AKAP13: variants seen among roughly 807,000 people sequenced by gnomAD.
The protein encoded by AKAP13 is A-kinase anchoring protein 13.
A neutral mutation model predicts 264.5 loss-of-function variants in AKAP13; 80 were observed. The observed-to-expected ratio is 0.30, with a 90% CI of 0.25 to 0.36. The LOEUF is 0.36. AKAP13 is among the 10% of genes least tolerant of loss of function. The probability of loss-of-function intolerance (pLI) is 1.00; values close to 1 mark genes in which losing one functional copy is unlikely to be tolerated. For missense variants in AKAP13, 3,712 were observed against 3,435.2 expected (o/e 1.08, Z -2.01); for synonymous variants, 1,380 against 1,250.2 (o/e 1.10, Z -2.19).
chr15:85,586,177 T>C (rs999609129), intron 8 of AKAP13, among the ~76,000 whole-genome samples: 2 of 152,072 alleles, frequency 1.3e-5, no homozygotes, highest in Admixed American at 6.5e-5. Flanking sequence ...CTTTTTTTCT[T>C]TCCTTCTTTT....
rs1249203231 is a variant in AKAP13 at position 85,645,794 on chromosome 15, TGGTGAATAAA to T, written c.4238-23_4238-14del. 2 of 1,511,982 alleles carry T rather than the reference TGGTGAATAAA, an allele frequency of 1.3e-6. No individual in the cohort carries two copies. The highest frequency in any genetic ancestry group is 1.8e-6 in the Non-Finnish European group (2 of 1,116,776). 93.7% of individuals were successfully genotyped at this position (1,511,982 alleles called of 1,614,324 possible). A position where few individuals can be genotyped will look rare whatever the true frequency, so the allele number is the denominator to read the frequency against. ...TTTTTTGTTTTTTTTTTTTCAATAT[TGGTGAATAAA>T]TTCTCTTTTTCAGAATGTGAGAACT... On this transcript the variant is annotated splice_polypyrimidine_tract_variant and intron_variant, in intron 9 of 36. Transcript: ENST00000394518.
chr15:85,578,925 C>G lies in AKAP13; in HGVS notation c.862-5C>G. The G allele has an allele frequency of 6.2e-7, 1 of 1,602,102 alleles. No individual in the cohort carries two copies. Among genetic ancestry groups the G allele is most frequent in the Non-Finnish European group, 8.5e-7 (1 of 1,171,526 alleles). ...TTTTTAAAAGTGTATTTCATTTCCT[C>G]CTAGAAAACAAACCTCAAGCAGATG... is the stretch of plus-strand genomic sequence containing the variant. On this transcript the variant is annotated splice_polypyrimidine_tract_variant and splice_region_variant and intron_variant, in intron 6 of 36. Coordinates refer to ENST00000394518, the MANE Select transcript of AKAP13 (RefSeq NM_007200.5).
At chr15:85,535,587 C>T (rs951378026) in intron 4 of AKAP13, 4 of 152,138 alleles carry the variant, frequency 2.6e-5, no homozygotes, top group Non-Finnish European at 5.9e-5. Context: ...TGTATTGATA[C>T]AGGAATGTTT....
chr15:85,471,690 C>G (rs749270752), intron 1 of AKAP13, among the ~76,000 whole-genome samples: 2 of 152,240 alleles, frequency 1.3e-5, no homozygotes, highest in Non-Finnish European at 2.9e-5. Flanking sequence ...CCCCCCATCC[C>G]TGGGTCCAGG....
intron 3 of AKAP13, among the ~76,000 whole-genome samples, chr15:85,528,473 C>G (rs1358752128): frequency 1.3e-5 from 2 of 152,092 alleles, no homozygotes. Context: ...ATAAAAACTA[C>G]CAGTTTTAGT....
At chr15:85,726,992 C>T in intron 27 of AKAP13, 74 bp from the exon 28 acceptor site, 1 of 1,547,310 alleles carries the variant, frequency 6.5e-7, no homozygotes, top group African/African-American at 1.4e-5. Context: ...CTGGTCTTAC[C>T]TTAGATTGAA....
In AKAP13 at chr15:85,661,237, G is replaced by GT. The variant is rs534237662; in HGVS notation, c.4799+2647_4799+2648insT. 9.2e-5 allele frequency among the ~76,000 whole-genome samples: 14 copies of GT among 152,002 alleles called. 1 individual carries two copies. The highest frequency in any genetic ancestry group is 1.8e-4 in the Non-Finnish European group (12 of 68,002). On this transcript the variant is annotated intron_variant, in intron 12 of 36. Transcript: ENST00000394518. ...TGAATTGATTATTGTTTTAGCTAGT[G>GT]GTGTTTACTTAGCATTTCCAACCCC...
Position 85,581,384 on chromosome 15 carries a change from G to C in AKAP13, c.3316G>C (p.Glu1106Gln), listed in dbSNP as rs1281895096. Residue 1106 changes from glutamate to glutamine, a missense_variant, in exon 7 of 37, where the codon GAG becomes CAG. Coordinates refer to ENST00000394518, the MANE Select transcript of AKAP13 (RefSeq NM_007200.5). ...ACAAGGTATGGCTGAGCCCAGAAGA[G>C]AGAATATATCACACAACACCCAAGA... ...ALQGMAEPRR[E>Q]NISHNTQDIL... is the part of the protein sequence containing the mutation. 1.9e-6 allele frequency: 3 copies of C among 1,614,114 alleles called. No individual in the cohort carries two copies. The highest frequency in any genetic ancestry group is 2.5e-6 in the Non-Finnish European group (3 of 1,180,050).
At chr15:85,593,577 A>G (rs2079677378) in intron 8 of AKAP13, among the ~76,000 whole-genome samples, 1 of 150,300 alleles carries the variant, frequency 6.7e-6, no homozygotes, top group Non-Finnish European at 1.5e-5. Context: ...CCCAATCCTT[A>G]ACTAATCACT....
intron 8 of AKAP13, among the ~76,000 whole-genome samples, chr15:85,587,913 G>T (rs1305080271): frequency 6.6e-6 from 1 of 152,136 alleles, no homozygotes; most frequent in East Asian, 1.9e-4. Context: ...CTCCCAAAGT[G>T]CTGGAAGTAC....
intron 1 of AKAP13, among the ~76,000 whole-genome samples, chr15:85,406,697 A>G (rs2071685068): frequency 6.6e-6 from 1 of 151,692 alleles, no homozygotes; most frequent in Non-Finnish European, 1.5e-5. Context: ...TTACTGTTTT[A>G]GGAGACATGA....
At chr15:85,719,376 A>G in intron 23 of AKAP13, 50 bp downstream of exon 23, 2 of 1,600,528 alleles carry the variant, frequency 1.2e-6, no homozygotes, top group Non-Finnish European at 1.7e-6. Flanking sequence ...GAAAAAGGGA[A>G]GTCATGGGGT....
chr15:85,641,473 T>C (rs1397266375), intron 9 of AKAP13, among the ~76,000 whole-genome samples: 1 of 135,430 alleles, frequency 7.4e-6, no homozygotes, highest in Non-Finnish European at 1.6e-5. Context: ...AATAAATAAA[T>C]AAATAAATAA....
chr15:85,539,513 T>C (rs2077514577), intron 4 of AKAP13, among the ~76,000 whole-genome samples: 1 of 152,166 alleles, frequency 6.6e-6, no homozygotes, highest in Admixed American at 6.5e-5. Flanking sequence ...GCTGGGGGGA[T>C]TGATGGGGTA....
chr15:85,413,608 G>T (rs2072088683), intron 1 of AKAP13, among the ~76,000 whole-genome samples: 1 of 152,158 alleles, frequency 6.6e-6, no homozygotes, highest in Non-Finnish European at 1.5e-5. Context: ...AAGCAAACAT[G>T]AAAGTAGAGA....
intron 2 of AKAP13, among the ~76,000 whole-genome samples, chr15:85,512,708 CTCAG>C (rs1367345489): frequency 1.3e-5 from 2 of 152,192 alleles, no homozygotes; most frequent in Non-Finnish European, 2.9e-5. Context: ...TGCAAAGCAC[CTCAG>C]TCAGCCCCTC....
rs771820250 is a variant in AKAP13, at chr15:85,708,110, G to A, written c.5532+24G>A. 1.2e-6 allele frequency: 2 copies of A among 1,611,710 alleles called. No individual in the cohort carries two copies. Among genetic ancestry groups the A allele is most frequent in the Non-Finnish European group, 1.7e-6 (2 of 1,178,626 alleles). On this transcript the variant is annotated intron_variant, in intron 18 of 36. Transcript: ENST00000394518. This position sits in a 1 kb window ranked among gnomAD's most constrained non-coding sequence, Gnocchi z 4.3. ...AGGTAAGACTTTCTGGCTAAAACAAGGCTTAAAATAAAAGGGTTTAAACCA... is the reference window on the plus strand; with the variant it reads ...AGGTAAGACTTTCTGGCTAAAACAAAGCTTAAAATAAAAGGGTTTAAACCA...
Position 85,708,203 on chromosome 15 carries a change from C to A in AKAP13, c.5532+117C>A. On this transcript the variant is annotated intron_variant, in intron 18 of 36. Coordinates refer to ENST00000394518, the MANE Select transcript of AKAP13 (RefSeq NM_007200.5). This position sits in a 1 kb window ranked among gnomAD's most constrained non-coding sequence, Gnocchi z 4.3. Reference sequence around the variant, plus strand: ...TTTGTTTATTTTAATCATTTGGTACCAACTTTGAGAACAAATTATAACTAA... The same window carrying A: ...TTTGTTTATTTTAATCATTTGGTACAAACTTTGAGAACAAATTATAACTAA... 2.2e-6 allele frequency: 2 copies of A among 904,976 alleles called. No individual in the cohort carries two copies. Among genetic ancestry groups the A allele is most frequent in the Non-Finnish European group, 3.3e-6 (2 of 606,322 alleles). 56.1% of individuals were successfully genotyped at this position (904,976 alleles called of 1,614,324 possible).
intron 10 of AKAP13, among the ~76,000 whole-genome samples, chr15:85,651,992 A>T (rs1319398844): frequency 6.6e-6 from 1 of 152,230 alleles, no homozygotes; most frequent in African/African-American, 2.4e-5. Flanking sequence ...AGTAATAACC[A>T]CCAATTCATA....
Sources: allele counts gnomAD v4.1 joint callset (sites outside exome capture counted in the v4.1 genomes callset), GRCh38; gene constraint gnomAD v4.1.1; non-coding constraint Gnocchi (gnomAD v3.1); transcripts MANE v1.5; gene names NCBI Gene and HGNC (gene_info 2026-07-23, HGNC 2026-07-21).